Variants in PACRG observed in about 807,000 individuals in gnomAD.
The protein encoded by PACRG is parkin coregulated, also known as parkin coregulated gene protein.
In PACRG, 29 loss-of-function variants were observed where a neutral mutation model predicts 29.7. That is an observed-to-expected ratio of 0.98 (90% CI 0.73 to 1.33). The LOEUF is 1.33. PACRG is among the 40% of genes most tolerant of loss of function. The probability of loss-of-function intolerance (pLI) is 0.00; values close to 1 mark genes in which losing one functional copy is unlikely to be tolerated. For missense variants in PACRG, 279 were observed against 316.2 expected (o/e 0.88, Z 0.89); for synonymous variants, 116 against 118.7 (o/e 0.98, Z 0.15).
intron 1 of PACRG, among the ~76,000 whole-genome samples, chr6:162,745,052 A>G (rs1399951824): frequency 2.0e-5 from 3 of 152,178 alleles, no homozygotes; most frequent in Non-Finnish European, 4.4e-5. Context: ...GAAAATATAT[A>G]TTTATACATT....
intron 2 of PACRG, among the ~76,000 whole-genome samples, chr6:162,922,810 C>A (rs554155051): frequency 6.6e-6 from 1 of 152,254 alleles, no homozygotes; most frequent in East Asian, 1.9e-4. Flanking sequence ...TATTCATCTG[C>A]TGATGGACAT....
At chr6:162,967,250 G>GAAA (rs11319991) in intron 2 of PACRG, among the ~76,000 whole-genome samples, 4 of 150,122 alleles carry the variant, frequency 2.7e-5, no homozygotes, top group Non-Finnish European at 1.5e-5. Flanking sequence ...TACTAAAACT[G>GAAA]AAAAAAAAAA....
intron 2 of PACRG, among the ~76,000 whole-genome samples, chr6:163,010,582 T>G (rs537779283): frequency 4.2e-4 from 64 of 152,328 alleles, no homozygotes; most frequent in African/African-American, 1.5e-3. Context: ...TATTTCATCA[T>G]GTAGCCAGAG....
intron 3 of PACRG, among the ~76,000 whole-genome samples, chr6:163,088,356 C>T (rs983561133): frequency 6.6e-6 from 1 of 152,144 alleles, no homozygotes; most frequent in African/African-American, 2.4e-5. Flanking sequence ...GCACTTTTGA[C>T]CTTCTATAAT....
chr6:163,058,469 G>A (rs1294104429), intron 2 of PACRG, among the ~76,000 whole-genome samples: 1 of 152,148 alleles, frequency 6.6e-6, no homozygotes, highest in Non-Finnish European at 1.5e-5. Context: ...TGTACAAACA[G>A]GTCATAAAAA....
At chr6:163,197,434 CTTTTTTTTTTTTTT>C (rs57942658) in intron 4 of PACRG, among the ~76,000 whole-genome samples, 3 of 106,236 alleles carry the variant, frequency 2.8e-5, no homozygotes, top group African/African-American at 6.9e-5. Context: ...CTTTTCTTTT[CTTTTTTTTTTTTTT>C]TTTTTTTTTT....
intron 2 of PACRG, among the ~76,000 whole-genome samples, chr6:162,933,971 T>A (rs1389563063): frequency 6.6e-6 from 1 of 152,020 alleles, no homozygotes. Context: ...CGAATAAGAA[T>A]GAGAACTCAC....
intron 4 of PACRG, among the ~76,000 whole-genome samples, chr6:163,205,482 T>C (rs1585330959): frequency 6.6e-6 from 1 of 152,134 alleles, no homozygotes; most frequent in Non-Finnish European, 1.5e-5. Context: ...ATTCAATAAA[T>C]GGTGGTGGGA....
Position 163,314,960 on chromosome 6 carries a change from A to G in PACRG, c.747A>G (p.Pro249=). ...NAFINIKYVV[P]TYESCLLN is the part of the protein sequence containing the mutation. ...TTATCAACATTAAGTACGTGGTCCC[A>G]ACCTACGAGTCTTGCTTGCTAAACT... is the stretch of plus-strand genomic sequence containing the variant. Residue 249 remains proline (P), a synonymous_variant, in exon 5 of 5, where the codon CCA becomes CCG. Transcript: ENST00000366888. 1 of 1,614,056 alleles carries G rather than the reference A, an allele frequency of 6.2e-7. No individual in the cohort carries two copies. The highest frequency in any genetic ancestry group is 8.5e-7 in the Non-Finnish European group (1 of 1,179,962).
At chr6:162,874,622 C>T (rs1051584065) in intron 2 of PACRG, among the ~76,000 whole-genome samples, 1 of 152,276 alleles carries the variant, frequency 6.6e-6, no homozygotes, top group South Asian at 2.1e-4. Context: ...TGGACACCCC[C>T]CAATGTGGCG....
At chr6:162,843,292 C>T (rs1310489395) in intron 2 of PACRG, among the ~76,000 whole-genome samples, 1 of 137,274 alleles carries the variant, frequency 7.3e-6, no homozygotes, top group Non-Finnish European at 1.6e-5. Context: ...AGGCTTTGCT[C>T]ATTTCTTTTT....
At chr6:162,795,916 G>A (rs767367212) in intron 1 of PACRG, among the ~76,000 whole-genome samples, 1 of 151,796 alleles carries the variant, frequency 6.6e-6, no homozygotes, top group Non-Finnish European at 1.5e-5. Context: ...ATAGATTTTT[G>A]CATGTTAATT....
chr6:162,947,297 C>CATATATAATATATATAATCAT (rs59336348), intron 2 of PACRG, among the ~76,000 whole-genome samples: 1 of 117,744 alleles, frequency 8.5e-6, no homozygotes, highest in African/African-American at 3.2e-5. Flanking sequence ...TACATATAAT[C>CATATATAATATATATAATCAT]ATATAATATA....
chr6:163,094,946 T>A (rs1814437720), intron 4 of PACRG, among the ~76,000 whole-genome samples: 1 of 152,172 alleles, frequency 6.6e-6, no homozygotes, highest in Non-Finnish European at 1.5e-5. Flanking sequence ...CTTCTCCAAG[T>A]GCAATATCCC....
chr6:163,026,119 A>T (rs1807106201), intron 2 of PACRG, among the ~76,000 whole-genome samples: 1 of 152,262 alleles, frequency 6.6e-6, no homozygotes, highest in Admixed American at 6.5e-5. Context: ...CCATTAAACT[A>T]AAGTCTCATT....
chr6:163,164,059 A>C (rs534925984), intron 4 of PACRG, among the ~76,000 whole-genome samples: 2 of 152,250 alleles, frequency 1.3e-5, no homozygotes, highest in South Asian at 4.2e-4. Flanking sequence ...CTCATGCCTA[A>C]TCATGAAGTT....
At chr6:163,240,252 G>GT in intron 4 of PACRG, among the ~76,000 whole-genome samples, 1 of 151,518 alleles carries the variant, frequency 6.6e-6, no homozygotes, top group South Asian at 2.1e-4. Flanking sequence ...GAGGAGGAGG[G>GT]GGGGACGTGC....
chr6:162,773,493 C>CT (rs1562582605), intron 1 of PACRG, among the ~76,000 whole-genome samples: 13 of 82,760 alleles, frequency 1.6e-4, no homozygotes, highest in Middle Eastern at 7.6e-3. Context: ...TACAGCTTGT[C>CT]ATTTTTTTTT....
intron 2 of PACRG, among the ~76,000 whole-genome samples, chr6:162,912,925 A>AC (rs796612541): frequency 0.028 from 3,543 of 125,938 alleles, 125 homozygotes; most frequent in African/African-American, 0.1. Flanking sequence ...AAACAAACAA[A>AC]AAAAAAAAAA....
Sources: gnomAD v4.1 joint callset for allele counts (sites outside exome capture counted in the v4.1 genomes callset) on GRCh38, gnomAD v4.1.1 for gene constraint, MANE v1.5 for transcripts, NCBI Gene and HGNC (gene_info 2026-07-23, HGNC 2026-07-21) for gene names.